LAPTM5: variants seen among roughly 807,000 people sequenced by gnomAD.
LAPTM5 encodes lysosomal protein transmembrane 5.
A neutral mutation model predicts 30.1 loss-of-function variants in LAPTM5; 11 were observed. The ratio of observed to expected loss-of-function variants is 0.37; its 90% CI spans 0.23 to 0.60. The LOEUF (loss-of-function observed/expected upper bound fraction) is 0.60. Ranked by LOEUF, LAPTM5 falls within the 20% of genes least tolerant of loss-of-function variation. The pLI is 0.71. For missense variants in LAPTM5, 324 were observed against 332.5 expected (o/e 0.97, Z 0.20); for synonymous variants, 151 against 137.9 (o/e 1.10, Z -0.67).
rs911290352 is a variant in LAPTM5 at position 30,739,722 on chromosome 1, G to A, written c.387+87C>T. ...AGGGCTCCTACCCTCCCCAGCCTGA[G>A]CACAGGGCCCGTGTCTGGTCCCCTC... is the stretch of plus-strand genomic sequence containing the variant. On this transcript the variant is annotated intron_variant, in intron 4 of 7. Coordinates refer to ENST00000294507, the MANE Select transcript of LAPTM5 (RefSeq NM_006762.3). This position sits in a 1 kb window ranked among gnomAD's most constrained non-coding sequence, Gnocchi z 4.2. 1 of 1,440,256 alleles carries A rather than the reference G, an allele frequency of 6.9e-7. No individual in the cohort carries two copies. Among genetic ancestry groups the A allele is most frequent in the African/African-American group, 1.4e-5 (1 of 69,108 alleles). The allele number at this position is 1,440,256 out of a possible 1,614,324, so 89.2% of individuals were successfully genotyped here.
At chr1:30,756,486 T>A (rs1040268411) in intron 1 of LAPTM5, among the ~76,000 whole-genome samples, 1 of 152,114 alleles carries the variant, frequency 6.6e-6, no homozygotes, top group South Asian at 2.1e-4. Context: ...ATAATTCACA[T>A]CCCCATTTTT....
intron 1 of LAPTM5, among the ~76,000 whole-genome samples, chr1:30,742,987 C>A (rs970589707): frequency 2.0e-5 from 3 of 152,128 alleles, no homozygotes; most frequent in African/African-American, 7.2e-5. Context: ...CCACTGCATC[C>A]CCTTCTGTAA....
chr1:30,749,119 G>C (rs762758413), intron 1 of LAPTM5, among the ~76,000 whole-genome samples: 2 of 152,228 alleles, frequency 1.3e-5, no homozygotes, highest in African/African-American at 2.4e-5. Context: ...CAGGAAAACA[G>C]GCAAATGCAT....
chr1:30,757,554 A>G (rs1005134424), intron 1 of LAPTM5, 105 bp downstream of exon 1: 8 of 1,164,596 alleles, frequency 6.9e-6, no homozygotes, highest in Admixed American at 5.9e-5. Context: ...AGAGGTGGAG[A>G]GCAGGAGTTC....
At chr1:30,737,965 G>C (rs1218640313) in intron 5 of LAPTM5, among the ~76,000 whole-genome samples, 2 of 152,288 alleles carry the variant, frequency 1.3e-5, no homozygotes, top group Middle Eastern at 3.4e-3. Context: ...TCCCCAGCTG[G>C]CAGGTGTCAG....
At position 30,735,249 on chromosome 1, in the gene LAPTM5, C is replaced by T. The variant is rs1269159729; in HGVS notation, c.623G>A (p.Cys208Tyr). ...GATCAATCTGTAGCACCGCCACACG[C>T]ACTTGAACATGTAGACCTGGAAAAA... ...VLIFKVYMFK[C>Y]VWRCYRLIKC... is the part of the protein sequence containing the mutation. Residue 208 changes from cysteine to tyrosine, a missense_variant, in exon 7 of 8, where the codon TGC becomes TAC. By Grantham distance (194) the Cys-to-Tyr change is radical (BLOSUM62 -2). Coordinates refer to ENST00000294507, the MANE Select transcript of LAPTM5 (RefSeq NM_006762.3). The T allele has an allele frequency of 6.8e-6, 11 of 1,613,946 alleles. No individual in the cohort carries two copies.
intron 7 of LAPTM5, among the ~76,000 whole-genome samples, chr1:30,734,396 T>G (rs1639857880): frequency 6.6e-6 from 1 of 152,180 alleles, no homozygotes; most frequent in Non-Finnish European, 1.5e-5. Context: ...CTAGGGGTTT[T>G]GGCAGCCTTT....
rs1172472171 is a variant in LAPTM5 at position 30,733,870 on chromosome 1, G to T, written c.747C>A (p.Thr249=). The change falls in exon 8 of 8, where the codon ACC becomes ACA. Residue 249 remains threonine, a synonymous_variant. Coordinates refer to ENST00000294507, the MANE Select transcript of LAPTM5 (RefSeq NM_006762.3). ...YEEALSLPSK[T]PEGGPAPPPY... is the part of the protein sequence containing the mutation. ...GGGGTGGTGCTGGGCCCCCCTCTGG[G>T]GTCTTCGATGGCAAAGACAGGGCTT... 5 of 1,611,022 alleles carry T rather than the reference G, an allele frequency of 3.1e-6. No homozygotes were observed. Among genetic ancestry groups the T allele is most frequent in the Non-Finnish European group, 3.4e-6 (4 of 1,179,300 alleles).
intron 1 of LAPTM5, among the ~76,000 whole-genome samples, chr1:30,749,623 C>G (rs1431795123): frequency 6.6e-6 from 1 of 152,152 alleles, no homozygotes. Context: ...CCCAGGGACC[C>G]AGCACACAGG....
intron 3 of LAPTM5, among the ~76,000 whole-genome samples, chr1:30,740,656 A>C (rs967469384): frequency 2.0e-4 from 30 of 151,986 alleles, no homozygotes; most frequent in African/African-American, 7.0e-4. Flanking sequence ...CAACCAGAAC[A>C]ATCTTGACTG....
rs1164839902 is a variant in LAPTM5 at position 30,733,383 on chromosome 1, T to C, written c.*445A>G. On this transcript the variant is annotated 3_prime_UTR_variant, in exon 8 of 8. Transcript: ENST00000294507. The stretch of plus-strand genomic sequence containing the variant: ...GGTAACTAATTAATGATTACTTGAT[T>C]AAATTGCTATGTGAACTGACAACTA... 6.7e-6 allele frequency: 3 copies of C among 444,612 alleles called. No individual in the cohort carries two copies. Among genetic ancestry groups the C allele is most frequent in the Non-Finnish European group, 1.1e-5 (3 of 278,418 alleles). 27.5% of individuals were successfully genotyped at this position (444,612 alleles called of 1,614,324 possible).
At chr1:30,736,639 T>C (rs1208693945) in intron 6 of LAPTM5, among the ~76,000 whole-genome samples, 2 of 152,082 alleles carry the variant, frequency 1.3e-5, no homozygotes, top group Non-Finnish European at 2.9e-5. Context: ...TCTTGCTATG[T>C]TGCCCAGGTT....
chr1:30,752,511 C>T (rs531383729), intron 1 of LAPTM5, among the ~76,000 whole-genome samples: 7 of 152,212 alleles, frequency 4.6e-5, no homozygotes, highest in East Asian at 1.9e-4. Flanking sequence ...CTACTCCCCC[C>T]GCCCAGCGTG....
In LAPTM5 at chr1:30,757,724, C is replaced by A. The variant is rs1326930027; in HGVS notation, c.22G>T (p.Val8Phe). The change falls in exon 1 of 8, where the codon GTC becomes TTC. Residue 8 changes from valine (V) to phenylalanine (F), a missense_variant. Transcript: ENST00000294507. Reference sequence around the variant, plus strand: ...TTGAAGCAGCAGCAGGTCTGGCGGACAGTGGACAAGCGGGGGTCCATGGTG... The same window carrying A: ...TTGAAGCAGCAGCAGGTCTGGCGGAAAGTGGACAAGCGGGGGTCCATGGTG... MDPRLST[V>F]RQTCCCFNVR... 3.7e-6 allele frequency: 6 copies of A among 1,613,756 alleles called. No homozygotes were observed. Among genetic ancestry groups the A allele is most frequent in the Non-Finnish European group, 4.2e-6 (5 of 1,179,980 alleles).
In LAPTM5 at chr1:30,739,777, T is replaced by C. The variant is rs1404777838; in HGVS notation, c.387+32A>G. The C allele has an allele frequency of 6.4e-7, 1 of 1,566,498 alleles. No individual in the cohort carries two copies. Among genetic ancestry groups the C allele is most frequent in the Non-Finnish European group, 8.7e-7 (1 of 1,154,474 alleles). On this transcript the variant is annotated intron_variant, in intron 4 of 7. Transcript: ENST00000294507. This position sits in a 1 kb window ranked among gnomAD's most constrained non-coding sequence, Gnocchi z 4.2. Reference sequence around the variant, plus strand: ...CTCCCATGCCAGACCTGGGCTCTGCTGTCCGGTGAGAGGTGGGGGCTGGGT... The same window carrying C: ...CTCCCATGCCAGACCTGGGCTCTGCCGTCCGGTGAGAGGTGGGGGCTGGGT...
At chr1:30,752,049 G>T (rs921659231) in intron 1 of LAPTM5, among the ~76,000 whole-genome samples, 3 of 152,200 alleles carry the variant, frequency 2.0e-5, no homozygotes, top group Admixed American at 2.0e-4. Context: ...GAGCTTCCTG[G>T]AGGAGGAAGC....
At position 30,733,396 on chromosome 1, in the gene LAPTM5, G is replaced by T; in HGVS notation, c.*432C>A. 1.8e-6 allele frequency: 1 copy of T among 546,878 alleles called. No homozygotes were observed. The highest frequency in any genetic ancestry group is 2.7e-6 in the Non-Finnish European group (1 of 365,986). The allele number at this position is 546,878 out of a possible 1,614,324, so 33.9% of individuals were successfully genotyped here. ...TGATTACTTGATTAAATTGCTATGT[G>T]AACTGACAACTATTTATAAATCAAT... On this transcript the variant is annotated 3_prime_UTR_variant, in exon 8 of 8. Transcript: ENST00000294507.
chr1:30,733,432 G>A lies in LAPTM5; in HGVS notation c.*396C>T. The A allele has an allele frequency of 9.9e-7, 1 of 1,012,444 alleles. No homozygotes were observed. Among genetic ancestry groups the A allele is most frequent in the East Asian group, 5.9e-5 (1 of 17,052 alleles). The allele number at this position is 1,012,444 out of a possible 1,614,324, so 62.7% of individuals were successfully genotyped here. A position where few individuals can be genotyped will look rare whatever the true frequency, so the allele number is the denominator to read the frequency against. On this transcript the variant is annotated 3_prime_UTR_variant, in exon 8 of 8. Transcript: ENST00000294507. ...TATTTATAAATCAATGCAATAGACTGTTGTTTGACCAAATTATTTTACTGA... is the reference window on the plus strand; with the variant it reads ...TATTTATAAATCAATGCAATAGACTATTGTTTGACCAAATTATTTTACTGA...
At chr1:30,752,439 T>C (rs560636943) in intron 1 of LAPTM5, among the ~76,000 whole-genome samples, 1 of 152,262 alleles carries the variant, frequency 6.6e-6, no homozygotes, top group South Asian at 2.1e-4. Context: ...CTAACCCAGC[T>C]TGACAAACCT....
Sources: allele counts gnomAD v4.1 joint callset (sites outside exome capture counted in the v4.1 genomes callset), GRCh38; gene constraint gnomAD v4.1.1; non-coding constraint Gnocchi (gnomAD v3.1); transcripts MANE v1.5; gene names NCBI Gene and HGNC (gene_info 2026-07-23, HGNC 2026-07-21).